BMERB1: variants seen among roughly 807,000 people sequenced by gnomAD.
BMERB1 encodes bMERB domain containing 1.
In BMERB1, 12 loss-of-function variants were observed where a neutral mutation model predicts 23.6. The ratio of observed to expected loss-of-function variants is 0.51; its 90% CI spans 0.33 to 0.82. BMERB1 has a LOEUF of 0.82. Among genes scored for constraint, BMERB1 ranks in the 40% least tolerant of loss-of-function variants. The pLI, the probability that BMERB1 is intolerant of heterozygous loss-of-function variation, is 0.03. For synonymous variants in BMERB1, 122 were observed against 96.6 expected (o/e 1.26, Z -1.54); for missense variants, 247 against 255.4 (o/e 0.97, Z 0.22).
At chr16:15,456,560 A>G (rs1441760697) in intron 1 of BMERB1, among the ~76,000 whole-genome samples, 1 of 152,004 alleles carries the variant, frequency 6.6e-6, no homozygotes, top group African/African-American at 2.4e-5. Flanking sequence ...CTGGTTTCGA[A>G]CTACTGGCCT....
chr16:15,543,643 A>G lies in BMERB1; in HGVS notation c.231-24340A>G, dbSNP rs565380531. Among the ~76,000 whole-genome samples, 347 of 152,112 alleles carry G rather than the reference A, an allele frequency of 2.3e-3. 3 individuals are homozygous for G. Among genetic ancestry groups the G allele is most frequent in the African/African-American group, 8.1e-3 (334 of 41,444 alleles). ...TGAGACCAGCCTGGGCAACATCACA[A>G]GAACTCCTCTCTACAAAAAATTTTG... On this transcript the variant is annotated intron_variant, in intron 2 of 5. Transcript: ENST00000300006.
intron 1 of BMERB1, among the ~76,000 whole-genome samples, chr16:15,506,501 A>G (rs1304673867): frequency 6.6e-6 from 1 of 152,130 alleles, no homozygotes; most frequent in Non-Finnish European, 1.5e-5. Flanking sequence ...TTAGAAAGTT[A>G]CATTCATTTT....
intron 1 of BMERB1, among the ~76,000 whole-genome samples, chr16:15,475,440 G>C (rs971970897): frequency 6.6e-6 from 1 of 152,186 alleles, no homozygotes; most frequent in Non-Finnish European, 1.5e-5. Context: ...GAAAGCTGTT[G>C]TACTCACAGT....
At chr16:15,512,613 T>C (rs535461046) in intron 1 of BMERB1, among the ~76,000 whole-genome samples, 50 of 152,102 alleles carry the variant, frequency 3.3e-4, no homozygotes, top group African/African-American at 1.2e-3. Context: ...GTGTGGTGGC[T>C]CACACCTGTA....
At chr16:15,549,517 A>G (rs961378279) in intron 2 of BMERB1, among the ~76,000 whole-genome samples, 88 of 152,100 alleles carry the variant, frequency 5.8e-4, no homozygotes, top group African/African-American at 2.0e-3. Context: ...TGTCTCTACT[A>G]AAAATACAAA....
chr16:15,463,996 A>C (rs2051159705), intron 1 of BMERB1, among the ~76,000 whole-genome samples: 1 of 152,152 alleles, frequency 6.6e-6, no homozygotes, highest in Admixed American at 6.6e-5. Context: ...CATAGAGTAA[A>C]GTGAAAGTAG....
At chr16:15,511,763 G>T (rs2051668461) in intron 1 of BMERB1, among the ~76,000 whole-genome samples, 1 of 152,106 alleles carries the variant, frequency 6.6e-6, no homozygotes, top group Admixed American at 6.6e-5. Context: ...TGTAATCCCA[G>T]CACTTTGGGA....
intron 1 of BMERB1, among the ~76,000 whole-genome samples, chr16:15,493,187 C>A (rs949637525): frequency 2.6e-5 from 4 of 151,694 alleles, no homozygotes; most frequent in African/African-American, 9.7e-5. Flanking sequence ...ACCCCGTCTC[C>A]ACTAAAAATA....
intron 1 of BMERB1, among the ~76,000 whole-genome samples, chr16:15,484,307 C>T (rs926115098): frequency 6.6e-6 from 1 of 152,164 alleles, no homozygotes; most frequent in Non-Finnish European, 1.5e-5. Flanking sequence ...AGCATCTCCC[C>T]CTTCTCCTGC....
At chr16:15,501,190 G>A (rs1386040587) in intron 1 of BMERB1, among the ~76,000 whole-genome samples, 1 of 151,192 alleles carries the variant, frequency 6.6e-6, no homozygotes, top group Non-Finnish European at 1.5e-5. Context: ...ATGTTGCCTA[G>A]GTTGGACTTA....
intron 2 of BMERB1, among the ~76,000 whole-genome samples, chr16:15,566,434 G>A (rs906944952): frequency 6.6e-6 from 1 of 152,192 alleles, no homozygotes; most frequent in Non-Finnish European, 1.5e-5. Flanking sequence ...TCCTAGAAAT[G>A]TATTAGGAAA....
chr16:15,557,850 G>T (rs1277786830), intron 2 of BMERB1, among the ~76,000 whole-genome samples: 3 of 152,256 alleles, frequency 2.0e-5, no homozygotes, highest in Non-Finnish European at 1.5e-5. Context: ...TTCAAGACCA[G>T]CCTGGCCAAG....
At chr16:15,475,994 A>T (rs976360334) in intron 1 of BMERB1, among the ~76,000 whole-genome samples, 2 of 152,050 alleles carry the variant, frequency 1.3e-5, no homozygotes, top group African/African-American at 4.8e-5. Flanking sequence ...TGTGACCCAA[A>T]GCTCCCATCC....
chr16:15,499,598 A>G (rs939562078), intron 1 of BMERB1, among the ~76,000 whole-genome samples: 1 of 152,126 alleles, frequency 6.6e-6, no homozygotes, highest in Non-Finnish European at 1.5e-5. Flanking sequence ...GGGAAGGACC[A>G]CAGCTTCTCC....
At chr16:15,477,266 C>T (rs2051282437) in intron 1 of BMERB1, among the ~76,000 whole-genome samples, 1 of 152,204 alleles carries the variant, frequency 6.6e-6, no homozygotes, top group Non-Finnish European at 1.5e-5. Flanking sequence ...AAATGCCAGA[C>T]ACTTATAAAA....
chr16:15,470,706 A>G (rs2051221969), intron 1 of BMERB1, among the ~76,000 whole-genome samples: 1 of 150,610 alleles, frequency 6.6e-6, no homozygotes, highest in African/African-American at 2.4e-5. Flanking sequence ...TTTGTATTTT[A>G]GTAGAGACGG....
chr16:15,530,966 C>T (rs1167377807), intron 2 of BMERB1, among the ~76,000 whole-genome samples: 2 of 135,502 alleles, frequency 1.5e-5, no homozygotes, highest in Non-Finnish European at 3.0e-5. Context: ...ATTGCAGTGG[C>T]TCAATCTTGG....
At chr16:15,443,582 G>A (rs552582783) in intron 1 of BMERB1, among the ~76,000 whole-genome samples, 124 of 151,834 alleles carry the variant, frequency 8.2e-4, no homozygotes, top group African/African-American at 3.0e-3. Flanking sequence ...AAAATCCACC[G>A]CAACTTATAA....
At position 15,489,559 on chromosome 16, in the gene BMERB1, T is replaced by G. The variant is rs150633600; in HGVS notation, c.107-25746T>G. On this transcript the variant is annotated intron_variant, in intron 1 of 5. Transcript: ENST00000300006. The stretch of plus-strand genomic sequence containing the variant: ...TCATGGCACTCGCTTGATTGAAATT[T>G]TGTTTGGGGAAGCAATGACCTGAAG... Among the ~76,000 whole-genome samples the G allele has an allele frequency of 9.2e-5, 14 of 152,260 alleles. No homozygotes were observed. In the East Asian group the frequency reaches 2.7e-3, roughly 29 times the overall value.
Sources: allele counts gnomAD v4.1 joint callset (sites outside exome capture counted in the v4.1 genomes callset), GRCh38; gene constraint gnomAD v4.1.1; transcripts MANE v1.5; gene names NCBI Gene and HGNC (gene_info 2026-07-23, HGNC 2026-07-21).